The following ABTB3 variants were observed in gnomAD, a reference collection of about 807,000 sequenced individuals.
ABTB3 encodes ankyrin repeat- and BTB/POZ domain-containing protein 3.
chr12:107,545,527 G>A, the ABTB3 span, among the ~76,000 whole-genome samples: 10 of 152,148 alleles, frequency 6.6e-5, no homozygotes, highest in East Asian at 1.9e-3. Flanking sequence ...TACAGGGTGA[G>A]CAATCATGCC....
chr12:107,445,560 CAGA>C, the ABTB3 span, among the ~76,000 whole-genome samples: 3 of 152,108 alleles, frequency 2.0e-5, no homozygotes, highest in Admixed American at 6.5e-5. Context: ...ACAGCACTGA[CAGA>C]AGAAGGAGAG....
chr12:107,377,414 A>AGTGTGTGTGTGT, the ABTB3 span, among the ~76,000 whole-genome samples: 70 of 146,618 alleles, frequency 4.8e-4, no homozygotes, highest in Non-Finnish European at 8.6e-4. Context: ...AGAGAGCAAG[A>AGTGTGTGTGTGT]GTGTGTGTGT....
At chr12:107,420,303 G>T in the ABTB3 span, among the ~76,000 whole-genome samples, 5 of 152,120 alleles carry the variant, frequency 3.3e-5, no homozygotes, top group African/African-American at 1.2e-4. Flanking sequence ...CTGCTATGAA[G>T]AAATACCTGA....
At chr12:107,330,808 T>A in the ABTB3 span, among the ~76,000 whole-genome samples, 43 of 152,338 alleles carry the variant, frequency 2.8e-4, no homozygotes, top group South Asian at 5.0e-3. Flanking sequence ...TTGCTATACA[T>A]CTCACAGTAA....
chr12:107,580,744 A>C, the ABTB3 span: 2 of 1,361,832 alleles, frequency 1.5e-6, no homozygotes, highest in South Asian at 1.5e-5. Context: ...GGGAGCCCCA[A>C]ATAGAAATAA....
the ABTB3 span, among the ~76,000 whole-genome samples, chr12:107,612,619 G>C: frequency 6.6e-6 from 1 of 152,238 alleles, no homozygotes; most frequent in Non-Finnish European, 1.5e-5. Flanking sequence ...ACATGTGGAG[G>C]GTTGTGACCT....
the ABTB3 span, among the ~76,000 whole-genome samples, chr12:107,482,281 A>G: frequency 6.6e-6 from 1 of 152,172 alleles, no homozygotes; most frequent in South Asian, 2.1e-4. Flanking sequence ...GCTACCTCCA[A>G]AGGATCTACC....
the ABTB3 span, among the ~76,000 whole-genome samples, chr12:107,378,810 G>T: frequency 1.3e-5 from 2 of 152,152 alleles, no homozygotes; most frequent in Non-Finnish European, 2.9e-5. Context: ...TCCCCTGATG[G>T]GTCTTTGGCT....
chr12:107,612,950 C>A, the ABTB3 span: 1 of 1,299,550 alleles, frequency 7.7e-7, no homozygotes, highest in African/African-American at 1.5e-5. Context: ...CTTTTTCTCC[C>A]AAGAGCTGCC....
At chr12:107,392,527 C>A in the ABTB3 span, among the ~76,000 whole-genome samples, 4 of 152,132 alleles carry the variant, frequency 2.6e-5, no homozygotes, top group African/African-American at 9.7e-5. Flanking sequence ...TTCTCATTCC[C>A]GAGCCTTTGT....
the ABTB3 span, among the ~76,000 whole-genome samples, chr12:107,540,831 T>TA: frequency 1.3e-5 from 2 of 151,776 alleles, no homozygotes; most frequent in African/African-American, 4.8e-5. Flanking sequence ...TACAAAAAAT[T>TA]AAAAAAATAA....
the ABTB3 span, among the ~76,000 whole-genome samples, chr12:107,464,949 T>TACACACACACACACAC: frequency 6.8e-6 from 1 of 146,544 alleles, no homozygotes; most frequent in African/African-American, 2.5e-5. Flanking sequence ...CTCCCTACCT[T>TACACACACACACACAC]ACACACACAC....
chr12:107,328,821 C>T, the ABTB3 span, among the ~76,000 whole-genome samples: 5 of 152,286 alleles, frequency 3.3e-5, no homozygotes, highest in South Asian at 1.0e-3. Context: ...CAGGAGGATC[C>T]CAGAAGGACT....
chr12:107,573,934 G>C, the ABTB3 span, among the ~76,000 whole-genome samples: 2 of 152,194 alleles, frequency 1.3e-5, no homozygotes, highest in African/African-American at 4.8e-5. Flanking sequence ...TAAATATCTG[G>C]ATAATGTGAC....
chr12:107,567,865 A>T, the ABTB3 span, among the ~76,000 whole-genome samples: 1 of 152,152 alleles, frequency 6.6e-6, no homozygotes, highest in African/African-American at 2.4e-5. Flanking sequence ...CTGTGGAAAA[A>T]CTATCTTCCA....
the ABTB3 span, among the ~76,000 whole-genome samples, chr12:107,449,795 C>T: frequency 3.3e-5 from 5 of 152,112 alleles, no homozygotes; most frequent in African/African-American, 1.2e-4. Context: ...CACAGGCCTA[C>T]ACCACCACAC....
chr12:107,485,563 A>G, the ABTB3 span, among the ~76,000 whole-genome samples: 3 of 152,288 alleles, frequency 2.0e-5, no homozygotes, highest in Non-Finnish European at 4.4e-5. Context: ...GGCTCAAGCA[A>G]TGAAAATAGC....
chr12:107,552,822 T>A, the ABTB3 span, among the ~76,000 whole-genome samples: 1 of 152,154 alleles, frequency 6.6e-6, no homozygotes, highest in East Asian at 1.9e-4. Flanking sequence ...TACTTCAAGA[T>A]CCAATTTAGG....
chr12:107,628,757 C>A, the ABTB3 span, among the ~76,000 whole-genome samples: 2 of 152,138 alleles, frequency 1.3e-5, no homozygotes, highest in Middle Eastern at 3.2e-3. Flanking sequence ...TATGGTGATA[C>A]ATTCTCTTTT....
Sources: allele counts gnomAD v4.1 joint callset (sites outside exome capture counted in the v4.1 genomes callset), GRCh38; gene constraint gnomAD v4.1.1; transcripts MANE v1.5; gene names NCBI Gene and HGNC (gene_info 2026-07-23, HGNC 2026-07-21).